The following SCHIP1 variants were observed in gnomAD, a reference collection of about 807,000 sequenced individuals.
SCHIP1 encodes schwannomin-interacting protein 1.
Under a neutral mutation model 29.7 loss-of-function variants are expected in SCHIP1, and 8 were observed. The observed-to-expected ratio is 0.27, with a 90% confidence interval of 0.16 to 0.49. The LOEUF (loss-of-function observed/expected upper bound fraction) is 0.49. Ranked by LOEUF, SCHIP1 falls within the 20% of genes least tolerant of loss-of-function variation. The probability of loss-of-function intolerance (pLI) is 0.99; values close to 1 mark genes in which losing one functional copy is unlikely to be tolerated. For missense variants in SCHIP1, 193 were observed against 294.6 expected (o/e 0.66, Z 2.52); for synonymous variants, 76 against 94.9 (o/e 0.80, Z 1.16).
the SCHIP1 span, among the ~76,000 whole-genome samples, chr3:159,677,140 C>T: frequency 1.3e-5 from 2 of 152,122 alleles, no homozygotes; most frequent in Non-Finnish European, 2.9e-5. Flanking sequence ...GGAACCCAAG[C>T]CTTCCCTTCT....
At chr3:159,290,898 T>C in the SCHIP1 span, among the ~76,000 whole-genome samples, 12 of 152,118 alleles carry the variant, frequency 7.9e-5, no homozygotes, top group African/African-American at 2.9e-4. Flanking sequence ...ATGTAAAATA[T>C]GTAAAATTCT....
the SCHIP1 span, among the ~76,000 whole-genome samples, chr3:159,569,996 G>A: frequency 5.9e-5 from 9 of 152,008 alleles, no homozygotes; most frequent in East Asian, 7.7e-4. Flanking sequence ...CATATCCTTC[G>A]CCGACTTTTG....
chr3:159,339,016 A>G, the SCHIP1 span, among the ~76,000 whole-genome samples: 14 of 152,110 alleles, frequency 9.2e-5, no homozygotes, highest in African/African-American at 3.4e-4. Context: ...ATCACCATTA[A>G]TGAGGACATT....
chr3:159,582,560 A>G, the SCHIP1 span, among the ~76,000 whole-genome samples: 1 of 152,128 alleles, frequency 6.6e-6, no homozygotes, highest in Non-Finnish European at 1.5e-5. Flanking sequence ...TTTCTAAGCA[A>G]TAAGTATTTT....
At chr3:159,395,838 G>A in the SCHIP1 span, among the ~76,000 whole-genome samples, 7 of 151,832 alleles carry the variant, frequency 4.6e-5, no homozygotes, top group South Asian at 2.1e-4. Context: ...TATTAGGTCC[G>A]CTTGGTACAG....
At chr3:159,553,571 C>G in the SCHIP1 span, among the ~76,000 whole-genome samples, 1 of 152,134 alleles carries the variant, frequency 6.6e-6, no homozygotes, top group Non-Finnish European at 1.5e-5. Flanking sequence ...TACTTAAACT[C>G]TTTTCCTGCT....
chr3:159,843,001 C>CTTCTTTTTTTTTTTTTTTTTT (rs1744394617), intron 1 of SCHIP1, among the ~76,000 whole-genome samples: 13 of 63,712 alleles, frequency 2.0e-4, no homozygotes, highest in African/African-American at 6.1e-4. Flanking sequence ...ATATTTCTTT[C>CTTCTTTTTTTTTTTTTTTTTT]TTTTTTTTTT....
chr3:159,717,390 A>T, the SCHIP1 span, among the ~76,000 whole-genome samples: 6 of 152,344 alleles, frequency 3.9e-5, no homozygotes, highest in East Asian at 1.9e-4. Flanking sequence ...TCAAAGCAGA[A>T]CTGAAGGAGA....
the SCHIP1 span, among the ~76,000 whole-genome samples, chr3:159,794,937 A>T: frequency 6.6e-6 from 1 of 152,154 alleles, no homozygotes; most frequent in Non-Finnish European, 1.5e-5. Flanking sequence ...AAGCATGAGC[A>T]TCTGGGACCC....
At chr3:159,756,407 G>A in the SCHIP1 span, among the ~76,000 whole-genome samples, 12 of 152,150 alleles carry the variant, frequency 7.9e-5, no homozygotes, top group South Asian at 2.1e-4. Flanking sequence ...TGGCTGGAGC[G>A]GCTGGGACAT....
the SCHIP1 span, among the ~76,000 whole-genome samples, chr3:159,680,534 TA>T: frequency 8.8e-6 from 1 of 114,152 alleles, no homozygotes; most frequent in African/African-American, 3.5e-5. Flanking sequence ...TATATGTATA[TA>T]ATATATGTAT....
At chr3:159,301,366 C>T in the SCHIP1 span, among the ~76,000 whole-genome samples, 1 of 151,938 alleles carries the variant, frequency 6.6e-6, no homozygotes, top group Non-Finnish European at 1.5e-5. Context: ...TGTTTATGTA[C>T]TTAACACGAC....
At chr3:159,834,935 G>A (rs1418396592), upstream of SCHIP1, among the ~76,000 whole-genome samples, 1 of 152,128 alleles carries the variant, frequency 6.6e-6, no homozygotes, top group Non-Finnish European at 1.5e-5. Flanking sequence ...CCCAAGCATT[G>A]TGGATAAGGT....
the SCHIP1 span, among the ~76,000 whole-genome samples, chr3:159,581,863 C>A: frequency 6.6e-6 from 1 of 152,092 alleles, no homozygotes; most frequent in Admixed American, 6.6e-5. Context: ...AAAAATTATT[C>A]TATAAACAGT....
the SCHIP1 span, among the ~76,000 whole-genome samples, chr3:159,313,424 C>T: frequency 6.6e-6 from 1 of 152,232 alleles, no homozygotes; most frequent in Non-Finnish European, 1.5e-5. Flanking sequence ...ACAAATGCCA[C>T]TGCTGCAGAG....
the SCHIP1 span, among the ~76,000 whole-genome samples, chr3:159,433,107 G>A: frequency 2.0e-5 from 3 of 152,306 alleles, no homozygotes; most frequent in Admixed American, 1.3e-4. Context: ...GAATTAATGA[G>A]GCTCATTGTG....
chr3:159,665,545 G>GTT, the SCHIP1 span, among the ~76,000 whole-genome samples: 8 of 137,538 alleles, frequency 5.8e-5, no homozygotes, highest in Non-Finnish European at 9.0e-5. Context: ...TGTTTTTGGG[G>GTT]TTGTGTGTGT....
chr3:159,347,097 A>G, the SCHIP1 span, among the ~76,000 whole-genome samples: 1 of 152,154 alleles, frequency 6.6e-6, no homozygotes, highest in South Asian at 2.1e-4. Context: ...TCCTCCACAA[A>G]TATATATGCT....
chr3:159,655,874 G>A, the SCHIP1 span, among the ~76,000 whole-genome samples: 1 of 152,190 alleles, frequency 6.6e-6, no homozygotes, highest in Admixed American at 6.5e-5. Flanking sequence ...GGGTGGCAGA[G>A]TGAGACTCCG....
Sources: allele counts gnomAD v4.1 joint callset (sites outside exome capture counted in the v4.1 genomes callset), GRCh38; gene constraint gnomAD v4.1.1; transcripts MANE v1.5; gene names NCBI Gene and HGNC (gene_info 2026-07-23, HGNC 2026-07-21).